Variants in DMXL2 observed in about 807,000 individuals in gnomAD.
DMXL2 encodes Dmx like 2.
DMXL2 carries 103 observed loss-of-function variants against 331.1 expected under a neutral mutation model. The ratio of observed to expected loss-of-function variants is 0.31; its 90% CI spans 0.27 to 0.37. The LOEUF is 0.37. Ranked by LOEUF, DMXL2 falls within the 10% of genes least tolerant of loss-of-function variation. DMXL2 has a pLI of 1.00. For synonymous variants in DMXL2, 1,281 were observed against 1,252.1 expected, an observed-to-expected ratio of 1.02 and a Z score of -0.49; for missense variants, 3,171 against 3,642.9, an observed-to-expected ratio of 0.87 and a Z score of 3.33.
intron 15 of DMXL2, among the ~76,000 whole-genome samples, chr15:51,513,420 T>G (rs2046868856): frequency 1.3e-5 from 2 of 152,080 alleles, no homozygotes; most frequent in South Asian, 4.1e-4. Context: ...AAATAAAACT[T>G]AACATAATTG....
At chr15:51,454,297 A>AAGTT (rs1425970439) in intron 40 of DMXL2, among the ~76,000 whole-genome samples, 5 of 152,152 alleles carry the variant, frequency 3.3e-5, no homozygotes, top group Non-Finnish European at 7.4e-5. Flanking sequence ...GTGAAGCCTG[A>AAGTT]AGTTTCACAC....
At chr15:51,565,047 A>G in intron 4 of DMXL2, 41 bp downstream of exon 4, 1 of 1,145,028 alleles carries the variant, frequency 8.7e-7, no homozygotes, top group Non-Finnish European at 1.2e-6. Flanking sequence ...ATTTAAAACA[A>G]ATATTTAATT....
chr15:51,540,097 T>C (rs2048505092), intron 9 of DMXL2, among the ~76,000 whole-genome samples: 1 of 152,230 alleles, frequency 6.6e-6, no homozygotes, highest in Non-Finnish European at 1.5e-5. Context: ...GCCTATGTAG[T>C]AATCTTGCTC....
Position 51,554,525 on chromosome 15 carries a change from T to C in DMXL2, c.568-7117A>G, listed in dbSNP as rs542731609. Among the ~76,000 whole-genome samples, 6 of 152,366 alleles carry C rather than the reference T, an allele frequency of 3.9e-5. No homozygotes were observed. The East Asian group carries it at 9.6e-4, about 24-fold the overall frequency. Reference sequence around the variant, plus strand: ...TCTGACAAGTGTACCCTTCATGAGATACCCACGCTTCTCAAGACATTACAG... The same window carrying C: ...TCTGACAAGTGTACCCTTCATGAGACACCCACGCTTCTCAAGACATTACAG... On this transcript the variant is annotated intron_variant, in intron 6 of 43. Coordinates refer to ENST00000560891, the MANE Select transcript of DMXL2 (RefSeq NM_001378457.1).
In DMXL2 at chr15:51,486,122, G is replaced by A. The variant is rs1406876424; in HGVS notation, c.5433C>T (p.Ala1811=). The A allele has an allele frequency of 1.2e-6, 2 of 1,613,944 alleles. No individual in the cohort carries two copies. The part of the protein sequence containing the change: ...AYWVMKDYTR[A]LDTLLEQTPK... Reference sequence around the variant, plus strand: ...GTGTTTGTTCCAGTAATGTGTCCAAGGCTCGGGTGTAATCTTTCATTACCC... The same window carrying A: ...GTGTTTGTTCCAGTAATGTGTCCAAAGCTCGGGTGTAATCTTTCATTACCC... Residue 1811 remains alanine, a synonymous_variant, in exon 23 of 44, where the codon GCC becomes GCT. Coordinates refer to ENST00000560891, the MANE Select transcript of DMXL2 (RefSeq NM_001378457.1).
intron 1 of DMXL2, 82 bp from the exon 2 acceptor site, chr15:51,576,263 G>C: frequency 9.6e-7 from 1 of 1,042,432 alleles, no homozygotes; most frequent in Non-Finnish European, 1.3e-6. Flanking sequence ...TTTTATCTTA[G>C]ATTTTATTGC....
chr15:51,450,426 T>A, intron 42 of DMXL2, 80 bp from the exon 43 acceptor site: 1 of 1,291,156 alleles, frequency 7.7e-7, no homozygotes, highest in Non-Finnish European at 1.1e-6. Context: ...CACATTTAAA[T>A]ACAGACCTTA....
intron 17 of DMXL2, among the ~76,000 whole-genome samples, chr15:51,502,231 T>TA (rs531734454): frequency 0.48 from 54,776 of 114,560 alleles, 13,161 homozygotes; most frequent in Non-Finnish European, 0.53. Context: ...AGACTCCGTC[T>TA]AAAAAAAAAA....
rs150017189 is a variant in DMXL2 at position 51,449,065 on chromosome 15, G to A, written c.9096C>T (p.Ser3032=). The change falls in exon 44 of 44, where the codon TCC becomes TCT. Residue 3032 remains serine, a synonymous_variant. Coordinates refer to ENST00000560891, the MANE Select transcript of DMXL2 (RefSeq NM_001378457.1). ...TTTTCAGCGTGCCATCTGCACCACAGGAGAAGAGCCGATTGCCCTGGATGA... is the reference window on the plus strand; with the variant it reads ...TTTTCAGCGTGCCATCTGCACCACAAGAGAAGAGCCGATTGCCCTGGATGA... ...IDIIQGNRLF[S]CGADGTLKTR... 444 of 1,614,082 alleles carry A rather than the reference G, an allele frequency of 2.8e-4. 1 individual carries two copies. The highest frequency in any genetic ancestry group is 3.1e-4 in the Non-Finnish European group (363 of 1,180,058).
rs761130475 is a variant in DMXL2, at chr15:51,537,677, A to C, written c.1428T>G (p.Thr476=). Residue 476 remains threonine (T), a synonymous_variant, in exon 11 of 44, where the codon ACT becomes ACG. Transcript: ENST00000560891. ...EDGEREGSPR[T]YSRLSVPMPL... Reference sequence around the variant, plus strand: ...GCATTGGTACACTAAGTCGTGAGTAAGTTCTAGGACTTCCTTCTCTTTCTC... The same window carrying C: ...GCATTGGTACACTAAGTCGTGAGTACGTTCTAGGACTTCCTTCTCTTTCTC... 7 of 1,613,950 alleles carry C rather than the reference A, an allele frequency of 4.3e-6. No homozygotes were observed. The highest frequency in any genetic ancestry group is 5.9e-6 in the Non-Finnish European group (7 of 1,179,902).
chr15:51,568,470 T>A lies in DMXL2; in HGVS notation c.285+17A>T, dbSNP rs746347343. 1.4e-6 allele frequency: 2 copies of A among 1,440,216 alleles called. No homozygotes were observed. The highest frequency in any genetic ancestry group is 1.9e-6 in the Non-Finnish European group (2 of 1,055,374). The allele number at this position is 1,440,216 out of a possible 1,614,324, so 89.2% of individuals were successfully genotyped here. A position where few individuals can be genotyped will look rare whatever the true frequency, so the allele number is the denominator to read the frequency against. ...TAACTAGATTCTAAAAGTATTCTAT[T>A]ATTGGTTAATACTTACACAATTTCT... On this transcript the variant is annotated intron_variant, in intron 3 of 43. Coordinates refer to ENST00000560891, the MANE Select transcript of DMXL2 (RefSeq NM_001378457.1).
chr15:51,590,150 C>A (rs2052181623), intron 1 of DMXL2, among the ~76,000 whole-genome samples: 1 of 152,118 alleles, frequency 6.6e-6, no homozygotes, highest in African/African-American at 2.4e-5. Flanking sequence ...GAATTTAATA[C>A]CAAAAGCCAT....
chr15:51,487,749 T>C (rs1046510684), intron 22 of DMXL2, among the ~76,000 whole-genome samples: 2 of 152,206 alleles, frequency 1.3e-5, no homozygotes, highest in African/African-American at 4.8e-5. Context: ...TGAGCCACCA[T>C]GCCCAGCCTG....
chr15:51,470,454 A>G (rs1451889261), intron 29 of DMXL2, among the ~76,000 whole-genome samples: 2 of 152,168 alleles, frequency 1.3e-5, no homozygotes, highest in African/African-American at 4.8e-5. Context: ...ATAACAAAAC[A>G]AAGCTTCCAA....
intron 23 of DMXL2, among the ~76,000 whole-genome samples, chr15:51,484,607 T>C (rs535454144): frequency 9.9e-5 from 15 of 152,168 alleles, no homozygotes; most frequent in Non-Finnish European, 1.8e-4. Context: ...GAGGCAACTT[T>C]TTCTGCCAGA....
At chr15:51,483,736 C>T (rs900927214) in intron 23 of DMXL2, among the ~76,000 whole-genome samples, 24 of 152,126 alleles carry the variant, frequency 1.6e-4, no homozygotes, top group Non-Finnish European at 2.9e-4. Flanking sequence ...TCCTTCGAGC[C>T]GCCCCTGGCA....
chr15:51,565,135 T>C lies in DMXL2; in HGVS notation c.317A>G (p.Gln106Arg), dbSNP rs2050189094. The change falls in exon 4 of 44, where the codon CAG becomes CGG. Residue 106 changes from glutamine (Q) to arginine (R), a missense_variant. Coordinates refer to ENST00000560891, the MANE Select transcript of DMXL2 (RefSeq NM_001378457.1). ...GTATGTCACAGAACTCAAAAAAAAC[T>C]GCCCAGTTTTAAGCCACTGGCACTT... ...QLKCQWLKTG[Q>R]FFLSSVTYNL... 1.9e-6 allele frequency: 3 copies of C among 1,585,554 alleles called. No homozygotes were observed. The highest frequency in any genetic ancestry group is 2.6e-6 in the Non-Finnish European group (3 of 1,167,794).
Position 51,476,624 on chromosome 15 carries a change from T to C in DMXL2, c.6929A>G (p.His2310Arg), listed in dbSNP as rs1276878699. 1 of 1,611,678 alleles carries C rather than the reference T, an allele frequency of 6.2e-7. No individual in the cohort carries two copies. Among genetic ancestry groups the C allele is most frequent in the Non-Finnish European group, 8.5e-7 (1 of 1,179,240 alleles). The change falls in exon 27 of 44, where the codon CAC (histidine) becomes CGC (arginine). Residue 2310 changes from histidine (H) to arginine (R), a missense_variant. By Grantham distance (29) the His-to-Arg change is conservative (BLOSUM62 0). This residue lies in a region of DMXL2 where 766 missense variants were observed against 940.5 expected (regional missense o/e 0.81). Coordinates refer to ENST00000560891, the MANE Select transcript of DMXL2 (RefSeq NM_001378457.1). Reference protein sequence around the residue: ...RRLRTESIEEHATPNSSPAQW... With the variant: ...RRLRTESIEERATPNSSPAQW... ...AGCAGGAGATGAATTTGGTGTTGCG[T>C]GTTCTTCAATGCTTTCTGTCCTTAG...
At position 51,622,617 on chromosome 15, in the gene DMXL2, G is replaced by C. The variant is rs2054732613; in HGVS notation, c.-72C>G. 13 of 1,495,904 alleles carry C rather than the reference G, an allele frequency of 8.7e-6. No homozygotes were observed. The highest frequency in any genetic ancestry group is 1.1e-5 in the Non-Finnish European group (12 of 1,117,268). The allele number at this position is 1,495,904 out of a possible 1,614,324, so 92.7% of individuals were successfully genotyped here. A position where few individuals can be genotyped will look rare whatever the true frequency, so the allele number is the denominator to read the frequency against. On this transcript the variant is annotated 5_prime_UTR_variant, in exon 1 of 44. Transcript: ENST00000560891. Reference sequence around the variant, plus strand: ...CCGCGCCTGACCCTCCTCGGGCTGCGAGAGCCGTTTCCCTCTGTGCCTCCC... The same window carrying C: ...CCGCGCCTGACCCTCCTCGGGCTGCCAGAGCCGTTTCCCTCTGTGCCTCCC...
Sources: gnomAD v4.1 joint callset for allele counts (sites outside exome capture counted in the v4.1 genomes callset) on GRCh38, gnomAD v4.1.1 for gene constraint, gnomAD v4.1.1 regional missense constraint, MANE v1.5 for transcripts, NCBI Gene and HGNC (gene_info 2026-07-23, HGNC 2026-07-21) for gene names.